KCNIP1: variants seen among roughly 807,000 people sequenced by gnomAD.
The protein encoded by KCNIP1 is potassium voltage-gated channel interacting protein 1.
In KCNIP1, 18 loss-of-function variants were observed where a neutral mutation model predicts 33.0. The observed-to-expected ratio is 0.55, with a 90% CI of 0.38 to 0.81. KCNIP1 has a LOEUF of 0.81. Among genes scored for constraint, KCNIP1 ranks in the 30% least tolerant of loss-of-function variants. KCNIP1 has a pLI of 0.00. For synonymous variants in KCNIP1, 93 were observed against 98.3 expected (o/e 0.95, Z 0.32); for missense variants, 238 against 271.6 (o/e 0.88, Z 0.87).
chr5:170,458,961 G>T (rs1051296755), intron 1 of KCNIP1, among the ~76,000 whole-genome samples: 1 of 152,122 alleles, frequency 6.6e-6, no homozygotes, highest in African/African-American at 2.4e-5. Flanking sequence ...CTGCCTTCAA[G>T]AGACTCACCT....
At chr5:170,441,088 G>A (rs1346837494) in intron 1 of KCNIP1, among the ~76,000 whole-genome samples, 3 of 152,212 alleles carry the variant, frequency 2.0e-5, no homozygotes, top group Non-Finnish European at 4.4e-5. Flanking sequence ...ATGCTCAGGT[G>A]TGTAAGAAAC....
intron 1 of KCNIP1, among the ~76,000 whole-genome samples, chr5:170,511,633 A>G (rs1754933241): frequency 6.6e-6 from 1 of 152,228 alleles, no homozygotes; most frequent in African/African-American, 2.4e-5. Flanking sequence ...GCCTCCACCC[A>G]GTGCCAGGCA....
chr5:170,637,701 C>T (rs1222785408), intron 1 of KCNIP1, among the ~76,000 whole-genome samples: 1 of 152,248 alleles, frequency 6.6e-6, no homozygotes, highest in African/African-American at 2.4e-5. Context: ...TTCCAGATAA[C>T]AACTCTCCTC....
At chr5:170,576,586 C>T (rs1297169868) in intron 1 of KCNIP1, among the ~76,000 whole-genome samples, 3 of 152,232 alleles carry the variant, frequency 2.0e-5, no homozygotes, top group Non-Finnish European at 4.4e-5. Context: ...CTCCACTCTG[C>T]CCCCATACCC....
intron 1 of KCNIP1, among the ~76,000 whole-genome samples, chr5:170,355,264 T>C (rs1763315324): frequency 6.6e-6 from 1 of 151,902 alleles, no homozygotes; most frequent in Non-Finnish European, 1.5e-5. Flanking sequence ...AGGCCAGAAG[T>C]GGGGTAAACA....
chr5:170,638,907 G>A (rs1341934960), intron 1 of KCNIP1, among the ~76,000 whole-genome samples: 2 of 152,210 alleles, frequency 1.3e-5, no homozygotes, highest in Non-Finnish European at 2.9e-5. Flanking sequence ...AGCAGCCTGG[G>A]GAAGACCCAG....
At chr5:170,649,820 G>T (rs12518195) in intron 1 of KCNIP1, among the ~76,000 whole-genome samples, 1 of 152,108 alleles carries the variant, frequency 6.6e-6, no homozygotes, top group African/African-American at 2.4e-5. Flanking sequence ...AGGGAGGCAA[G>T]GTGATGTCTT....
rs77306143 is a variant in KCNIP1 at position 170,620,724 on chromosome 5, A to G, written c.62-98034A>G. 2.2e-3 allele frequency among the ~76,000 whole-genome samples: 336 copies of G among 152,194 alleles called. 3 individuals carry two copies. The highest frequency in any genetic ancestry group is 7.8e-3 in the African/African-American group (325 of 41,520). On this transcript the variant is annotated intron_variant, in intron 1 of 7. Transcript: ENST00000328939. ...TTAAAAAATCTTCTTTGGGTATTCA[A>G]CCCTCCTAAACTCACCCCCAAATCC...
chr5:170,641,232 C>G (rs1024270126), intron 1 of KCNIP1, among the ~76,000 whole-genome samples: 6 of 152,196 alleles, frequency 3.9e-5, no homozygotes, highest in African/African-American at 1.4e-4. Context: ...AGCCTCTTTC[C>G]CAGACCCCAC....
At chr5:170,601,169 T>C (rs977828566) in intron 1 of KCNIP1, among the ~76,000 whole-genome samples, 1 of 152,274 alleles carries the variant, frequency 6.6e-6, no homozygotes, top group African/African-American at 2.4e-5. Context: ...GCTAAGGCTG[T>C]AGACTGGGCT....
At chr5:170,533,177 A>G (rs1255149610) in intron 1 of KCNIP1, among the ~76,000 whole-genome samples, 1 of 147,594 alleles carries the variant, frequency 6.8e-6, no homozygotes, top group Non-Finnish European at 1.5e-5. Context: ...GACTCAGGGA[A>G]AGGGTCACTG....
chr5:170,699,059 A>G (rs539545578), intron 1 of KCNIP1, among the ~76,000 whole-genome samples: 2 of 152,266 alleles, frequency 1.3e-5, no homozygotes, highest in South Asian at 4.2e-4. Flanking sequence ...TGAGGACTGA[A>G]GAGTTCTCCA....
chr5:170,378,969 G>A, intron 1 of KCNIP1: 1 of 1,613,750 alleles, frequency 6.2e-7, no homozygotes, highest in Non-Finnish European at 8.5e-7. Context: ...TGGGATGTAG[G>A]AGCACTGTGG....
intron 1 of KCNIP1, among the ~76,000 whole-genome samples, chr5:170,368,973 G>A (rs192537767): frequency 6.6e-5 from 10 of 152,358 alleles, no homozygotes; most frequent in East Asian, 3.9e-4. Flanking sequence ...GAGAGACAGA[G>A]ACAGAGAGAA....
At chr5:170,529,372 G>A (rs933276119) in intron 1 of KCNIP1, among the ~76,000 whole-genome samples, 7 of 152,312 alleles carry the variant, frequency 4.6e-5, no homozygotes, top group Middle Eastern at 3.4e-3. Context: ...GCCTAGATAG[G>A]GTTCTGTGTT....
chr5:170,611,869 G>A lies in KCNIP1; in HGVS notation c.62-106889G>A, dbSNP rs374413553. On this transcript the variant is annotated intron_variant, in intron 1 of 7. Coordinates refer to ENST00000328939, the MANE Select transcript of KCNIP1 (RefSeq NM_014592.4). The stretch of plus-strand genomic sequence containing the variant: ...TGAATGACAGTCTACCACACCTATT[G>A]TGCAAAGTGCTGGAAGGGAGGATTT... Among the ~76,000 whole-genome samples the A allele has an allele frequency of 4.6e-4, 70 of 152,354 alleles. 2 individuals are homozygous for A. The South Asian group carries it at 0.014, about 31-fold the overall frequency.
chr5:170,599,277 G>T (rs894064134), intron 1 of KCNIP1, among the ~76,000 whole-genome samples: 4 of 152,148 alleles, frequency 2.6e-5, no homozygotes, highest in Non-Finnish European at 5.9e-5. Context: ...TGATTACAAT[G>T]GAGGGAAAAG....
chr5:170,710,235 A>G (rs897748016), intron 1 of KCNIP1, among the ~76,000 whole-genome samples: 1 of 152,212 alleles, frequency 6.6e-6, no homozygotes, highest in South Asian at 2.1e-4. Flanking sequence ...CTACCAAGTC[A>G]CTTATTATCT....
At chr5:170,446,961 A>G (rs1380544080) in intron 1 of KCNIP1, among the ~76,000 whole-genome samples, 2 of 152,248 alleles carry the variant, frequency 1.3e-5, no homozygotes, top group African/African-American at 2.4e-5. Context: ...GTGTTCCTGC[A>G]TTAAGCAATG....
Sources: gnomAD v4.1 joint callset for allele counts (sites outside exome capture counted in the v4.1 genomes callset) on GRCh38, gnomAD v4.1.1 for gene constraint, MANE v1.5 for transcripts, NCBI Gene and HGNC (gene_info 2026-07-23, HGNC 2026-07-21) for gene names.